The following DLGAP2 variants were observed in gnomAD, a reference collection of about 807,000 sequenced individuals.
The protein encoded by DLGAP2 is disks large-associated protein 2.
In DLGAP2, 26 loss-of-function variants were observed where a neutral mutation model predicts 100.3. That is an observed-to-expected ratio of 0.26 (90% confidence interval 0.19 to 0.36). The LOEUF is 0.36. Among genes scored for constraint, DLGAP2 ranks in the 10% least tolerant of loss-of-function variants. DLGAP2 has a pLI of 1.00. For missense variants in DLGAP2, 1,858 were observed against 1,453.2 expected (o/e 1.28, Z -4.53); for synonymous variants, 886 against 630.1 (o/e 1.41, Z -6.08).
chr8:1,049,826 A>C (rs1802621996), intron 2 of DLGAP2, among the ~76,000 whole-genome samples: 1 of 152,230 alleles, frequency 6.6e-6, no homozygotes, highest in Admixed American at 6.5e-5. Flanking sequence ...GTGTACACAT[A>C]TGCATAGGCA....
At chr8:831,786 C>A (rs1585910487) in intron 1 of DLGAP2, among the ~76,000 whole-genome samples, 1 of 152,160 alleles carries the variant, frequency 6.6e-6, no homozygotes, top group South Asian at 2.1e-4. Flanking sequence ...TTAGGAATGG[C>A]CACACTGTCT....
chr8:765,191 C>T (rs1821180953), intron 1 of DLGAP2, among the ~76,000 whole-genome samples: 1 of 152,044 alleles, frequency 6.6e-6, no homozygotes, highest in Admixed American at 6.6e-5. Flanking sequence ...TGGAGTTTTT[C>T]CATATGAGTT....
intron 3 of DLGAP2, among the ~76,000 whole-genome samples, chr8:1,415,831 A>T (rs1796868480): frequency 6.6e-6 from 1 of 152,180 alleles, no homozygotes; most frequent in Non-Finnish European, 1.5e-5. Flanking sequence ...CTTTGGGTAT[A>T]TACCCAGTCA....
intron 2 of DLGAP2, among the ~76,000 whole-genome samples, chr8:1,156,174 G>C (rs946885016): frequency 8.5e-5 from 13 of 152,274 alleles, no homozygotes; most frequent in South Asian, 6.2e-4. Flanking sequence ...GTGAATCACC[G>C]GGGCTGCAGC....
At chr8:918,335 G>C (rs1431558233) in intron 2 of DLGAP2, among the ~76,000 whole-genome samples, 1 of 152,230 alleles carries the variant, frequency 6.6e-6, no homozygotes, top group African/African-American at 2.4e-5. Flanking sequence ...GTGAGTGTTG[G>C]TAATTTGTTT....
At chr8:934,874 T>C (rs1023801798) in intron 2 of DLGAP2, among the ~76,000 whole-genome samples, 7 of 152,090 alleles carry the variant, frequency 4.6e-5, no homozygotes, top group African/African-American at 1.7e-4. Flanking sequence ...AAAGAGTGAT[T>C]TGCTGTCCAA....
At chr8:1,326,836 T>C (rs1457232430) in intron 3 of DLGAP2, among the ~76,000 whole-genome samples, 2 of 152,214 alleles carry the variant, frequency 1.3e-5, no homozygotes, top group Non-Finnish European at 2.9e-5. Context: ...CACAGTACCT[T>C]CCTCCCTTTG....
chr8:1,193,755 G>T (rs1476011176), intron 2 of DLGAP2, among the ~76,000 whole-genome samples: 1 of 152,026 alleles, frequency 6.6e-6, no homozygotes, highest in Non-Finnish European at 1.5e-5. Flanking sequence ...GTCCTGTGGA[G>T]CAGATCCCAG....
At chr8:1,350,858 C>G (rs868202818) in intron 3 of DLGAP2, among the ~76,000 whole-genome samples, 9 of 36,590 alleles carry the variant, frequency 2.5e-4, no homozygotes, top group Non-Finnish European at 3.8e-4. Context: ...CGGGTCCTGA[C>G]AGTGTGTGGA....
Position 1,041,974 on chromosome 8 carries a change from G to T in DLGAP2, c.73+134008G>T, listed in dbSNP as rs192475050. Among the ~76,000 whole-genome samples, 1,140 of 152,344 alleles carry T rather than the reference G, an allele frequency of 7.5e-3. 9 individuals carry two copies. Among genetic ancestry groups the T allele is most frequent in the Non-Finnish European group, 0.013 (864 of 68,036 alleles). ...CCCGGCTGTTTCAGGAGCCTGCGGG[G>T]ATTTCTTCTGGCTCGGCTGTCGAGG... On this transcript the variant is annotated intron_variant, in intron 2 of 14. Transcript: ENST00000637795.
intron 2 of DLGAP2, among the ~76,000 whole-genome samples, chr8:959,070 G>A (rs1799662171): frequency 6.6e-6 from 1 of 152,186 alleles, no homozygotes; most frequent in African/African-American, 2.4e-5. Flanking sequence ...TTTTAATTAT[G>A]GCTATGTAGA....
intron 4 of DLGAP2, among the ~76,000 whole-genome samples, chr8:1,538,667 G>A (rs1801238827): frequency 6.6e-6 from 1 of 152,038 alleles, no homozygotes; most frequent in Non-Finnish European, 1.5e-5. Flanking sequence ...AGAATGCCCT[G>A]GCCCTCTTTT....
intron 4 of DLGAP2, among the ~76,000 whole-genome samples, chr8:1,505,067 A>G (rs775509899): frequency 2.0e-5 from 3 of 152,238 alleles, no homozygotes; most frequent in Non-Finnish European, 2.9e-5. Flanking sequence ...TCCCAACACT[A>G]TCATAACAAC....
chr8:1,487,152 G>A (rs1256424164), intron 3 of DLGAP2, among the ~76,000 whole-genome samples: 1 of 152,250 alleles, frequency 6.6e-6, no homozygotes, highest in East Asian at 1.9e-4. Context: ...GACATGTGAT[G>A]TATTTAAAAC....
At chr8:1,541,669 C>T (rs1438805210) in intron 4 of DLGAP2, among the ~76,000 whole-genome samples, 1 of 152,222 alleles carries the variant, frequency 6.6e-6, no homozygotes, top group Non-Finnish European at 1.5e-5. Flanking sequence ...GGTTCTAGAA[C>T]CTCTGCCAGC....
In DLGAP2 at chr8:1,690,723, A is replaced by C. The variant is rs560903910; in HGVS notation, c.2705-812A>C. On this transcript the variant is annotated intron_variant, in intron 12 of 14. Coordinates refer to ENST00000637795, the MANE Select transcript of DLGAP2 (RefSeq NM_001346810.2). ...TATCTCAAAAAAAAAAAAAAAAAAA[A>C]AAAAAATTAGTATTTGATTAACCAA... is the stretch of plus-strand genomic sequence containing the variant. Among the ~76,000 whole-genome samples the C allele has an allele frequency of 6.6e-4, 100 of 151,734 alleles. 1 individual carries two copies. In the East Asian group the frequency reaches 0.015, roughly 23 times the overall value.
intron 5 of DLGAP2, among the ~76,000 whole-genome samples, chr8:1,550,602 C>T (rs887941536): frequency 2.0e-5 from 3 of 152,160 alleles, no homozygotes; most frequent in African/African-American, 7.2e-5. Flanking sequence ...CCCCCCACTA[C>T]AAAAAGCCTG....
At chr8:1,647,481 T>G (rs1420398157) in intron 8 of DLGAP2, among the ~76,000 whole-genome samples, 4 of 79,310 alleles carry the variant, frequency 5.0e-5, no homozygotes, top group Non-Finnish European at 9.3e-5. Context: ...AGAGAGAGAC[T>G]CTGTCTCAAA....
intron 3 of DLGAP2, among the ~76,000 whole-genome samples, chr8:1,298,667 C>T (rs1256199092): frequency 6.6e-6 from 1 of 152,142 alleles, no homozygotes; most frequent in South Asian, 2.1e-4. Context: ...GCACCTCGGC[C>T]ATGGTAGATG....
Sources: allele counts gnomAD v4.1 joint callset (sites outside exome capture counted in the v4.1 genomes callset), GRCh38; gene constraint gnomAD v4.1.1; transcripts MANE v1.5; gene names NCBI Gene and HGNC (gene_info 2026-07-23, HGNC 2026-07-21).